SRD5A2: variants seen among roughly 807,000 people sequenced by gnomAD.
SRD5A2 encodes the protein steroid 5 alpha-reductase 2, also known as 3-oxo-5-alpha-steroid 4-dehydrogenase 2.
SRD5A2 carries 30 observed loss-of-function variants against 27.4 expected under a neutral mutation model. The observed-to-expected ratio is 1.10, with a 90% confidence interval of 0.82 to 1.49. The LOEUF is 1.49. SRD5A2 is among the 40% of genes most tolerant of loss of function. The pLI, the probability that SRD5A2 is intolerant of heterozygous loss-of-function variation, is 0.00. For synonymous variants in SRD5A2, 141 were observed against 133.6 expected, an observed-to-expected ratio of 1.06 and a Z score of -0.38; for missense variants, 348 against 323.4, an observed-to-expected ratio of 1.08 and a Z score of -0.58.
At chr2:31,597,337 A>C in the SRD5A2 span, among the ~76,000 whole-genome samples, 1 of 152,072 alleles carries the variant, frequency 6.6e-6, no homozygotes, top group Non-Finnish European at 1.5e-5. Context: ...TGGATCAAAA[A>C]CTTAATTCAA....
At chr2:31,633,413 G>A in the SRD5A2 span, among the ~76,000 whole-genome samples, 2 of 151,994 alleles carry the variant, frequency 1.3e-5, no homozygotes, top group African/African-American at 4.8e-5. Flanking sequence ...GGCCTGTGAA[G>A]TGTGCCAAAG....
chr2:31,551,909 T>G (rs945465947), intron 1 of SRD5A2, among the ~76,000 whole-genome samples: 5 of 152,066 alleles, frequency 3.3e-5, no homozygotes, highest in Non-Finnish European at 5.9e-5. Context: ...CTCAAATGAT[T>G]TTTTATAAAG....
the SRD5A2 span, among the ~76,000 whole-genome samples, chr2:31,619,914 C>T: frequency 1.3e-5 from 2 of 152,030 alleles, no homozygotes; most frequent in Non-Finnish European, 2.9e-5. Flanking sequence ...TTGAGAGTTT[C>T]TTTTGCTGTG....
In SRD5A2 at chr2:31,544,735, C is replaced by G. The variant is rs192776351; in HGVS notation, c.282-10969G>C. Among the ~76,000 whole-genome samples the G allele has an allele frequency of 3.1e-3, 472 of 151,824 alleles. 1 individual carries two copies. The highest frequency in any genetic ancestry group is 0.01 in the Middle Eastern group (3 of 292). ...ATCAAAGAAATCAAGAATAGAAAAA[C>G]AAGGGTAAAACCAATAAAACCAAAT... is the stretch of plus-strand genomic sequence containing the variant. On this transcript the variant is annotated intron_variant, in intron 1 of 4. Coordinates refer to ENST00000622030, the MANE Select transcript of SRD5A2 (RefSeq NM_000348.4).
the SRD5A2 span, among the ~76,000 whole-genome samples, chr2:31,660,450 A>G: frequency 6.6e-6 from 1 of 152,162 alleles, no homozygotes; most frequent in African/African-American, 2.4e-5. Context: ...TGAGTCATAC[A>G]CACATGTTAT....
chr2:31,631,302 A>G, the SRD5A2 span, among the ~76,000 whole-genome samples: 1 of 152,142 alleles, frequency 6.6e-6, no homozygotes. Flanking sequence ...GAAAGGTGGG[A>G]AAACAGGTGC....
chr2:31,635,880 G>C, the SRD5A2 span, among the ~76,000 whole-genome samples: 1 of 151,946 alleles, frequency 6.6e-6, no homozygotes, highest in Non-Finnish European at 1.5e-5. Context: ...ATTTATATCT[G>C]GATACTGTAT....
At position 31,525,411 on chromosome 2, in the gene SRD5A2, C is replaced by T. The variant is rs1241657000; in HGVS notation, c.*785G>A. 1 of 226,712 alleles carries T rather than the reference C, an allele frequency of 4.4e-6. No individual in the cohort carries two copies. Among genetic ancestry groups the T allele is most frequent in the East Asian group, 6.3e-5 (1 of 15,816 alleles). The allele number at this position is 226,712 out of a possible 1,614,324, so 14.0% of individuals were successfully genotyped here. ...AAACTGTTCTCTATCCTCTTAGTAG[C>T]CATCCAGGGTCATGTTGTTCTCTAC... On this transcript the variant is annotated 3_prime_UTR_variant, in exon 5 of 5. Coordinates refer to ENST00000622030, the MANE Select transcript of SRD5A2 (RefSeq NM_000348.4).
intron 1 of SRD5A2, among the ~76,000 whole-genome samples, chr2:31,562,576 A>AT (rs1344786281): frequency 6.6e-6 from 1 of 152,178 alleles, no homozygotes; most frequent in African/African-American, 2.4e-5. Flanking sequence ...TGAGGCCTAG[A>AT]TATTGCCATA....
the SRD5A2 span, among the ~76,000 whole-genome samples, chr2:31,594,040 A>G: frequency 6.6e-6 from 1 of 152,242 alleles, no homozygotes; most frequent in Non-Finnish European, 1.5e-5. Flanking sequence ...AGAAATGCTA[A>G]AAGAAATTCT....
At chr2:31,605,653 T>C in the SRD5A2 span, among the ~76,000 whole-genome samples, 1 of 151,664 alleles carries the variant, frequency 6.6e-6, no homozygotes, top group East Asian at 1.9e-4. Context: ...TAACAAATGC[T>C]GGTAAGGATA....
rs1468506149 is a variant in SRD5A2, at chr2:31,525,806, T to A, written c.*390A>T. Reference sequence around the variant, plus strand: ...AAATGCATACCTTTAATAAGGTCTATAAGTACTGCCTTCAAGTCAAAAAAT... The same window carrying A: ...AAATGCATACCTTTAATAAGGTCTAAAAGTACTGCCTTCAAGTCAAAAAAT... On this transcript the variant is annotated 3_prime_UTR_variant, in exon 5 of 5. Coordinates refer to ENST00000622030, the MANE Select transcript of SRD5A2 (RefSeq NM_000348.4). 4.1e-6 allele frequency: 1 copy of A among 246,400 alleles called. No homozygotes were observed. The highest frequency in any genetic ancestry group is 5.7e-5 in the East Asian group (1 of 17,636). 15.3% of individuals were successfully genotyped at this position (246,400 alleles called of 1,614,324 possible).
At chr2:31,616,976 T>C in the SRD5A2 span, among the ~76,000 whole-genome samples, 1 of 152,094 alleles carries the variant, frequency 6.6e-6, no homozygotes, top group African/African-American at 2.4e-5. Context: ...TTCATACTGT[T>C]CTTGTGGTAG....
chr2:31,580,937 A>G lies in SRD5A2; in HGVS notation c.-37T>C. 1.3e-6 allele frequency: 2 copies of G among 1,572,150 alleles called. No homozygotes were observed. On this transcript the variant is annotated 5_prime_UTR_variant, in exon 1 of 5. Coordinates refer to ENST00000622030, the MANE Select transcript of SRD5A2 (RefSeq NM_000348.4). ...CCTCGCCGGTGGCCGCTGCCCTCCC[A>G]GAAGAGAGCGCGGCCCCCGCAACCC...
the SRD5A2 span, among the ~76,000 whole-genome samples, chr2:31,597,074 C>T: frequency 7.2e-5 from 11 of 152,088 alleles, no homozygotes; most frequent in Non-Finnish European, 8.8e-5. Context: ...GGAGGCATCA[C>T]ATTACACAAC....
chr2:31,599,107 G>C, the SRD5A2 span, among the ~76,000 whole-genome samples: 1 of 152,024 alleles, frequency 6.6e-6, no homozygotes, highest in African/African-American at 2.4e-5. Flanking sequence ...AATTCAACAA[G>C]AGGATGTAAC....
the SRD5A2 span, among the ~76,000 whole-genome samples, chr2:31,623,249 TTTTC>T: frequency 2.0e-5 from 3 of 152,066 alleles, no homozygotes; most frequent in Non-Finnish European, 4.4e-5. Flanking sequence ...ATCGCTCAAA[TTTTC>T]TTTTTGTCTA....
chr2:31,569,165 G>A (rs543515406), intron 1 of SRD5A2, among the ~76,000 whole-genome samples: 261 of 152,342 alleles, frequency 1.7e-3, no homozygotes, highest in African/African-American at 6.0e-3. Context: ...TCTGTGGAGT[G>A]CGCAGCCCCA....
chr2:31,604,904 T>C, the SRD5A2 span, among the ~76,000 whole-genome samples: 1 of 151,872 alleles, frequency 6.6e-6, no homozygotes, highest in Non-Finnish European at 1.5e-5. Context: ...CTAAAAATTA[T>C]ACTACAGAGG....
Sources: allele counts gnomAD v4.1 joint callset (sites outside exome capture counted in the v4.1 genomes callset), GRCh38; gene constraint gnomAD v4.1.1; transcripts MANE v1.5; gene names NCBI Gene and HGNC (gene_info 2026-07-23, HGNC 2026-07-21).